FGF7: variants seen among roughly 807,000 people sequenced by gnomAD.
The protein encoded by FGF7 is fibroblast growth factor 7.
Under a neutral mutation model 20.5 loss-of-function variants are expected in FGF7, and 6 were observed. The observed-to-expected ratio is 0.29, with a 90% CI of 0.16 to 0.58. The LOEUF (loss-of-function observed/expected upper bound fraction) is 0.58. Among genes scored for constraint, FGF7 ranks in the 20% least tolerant of loss-of-function variants. FGF7 has a pLI of 0.90. For missense variants in FGF7, 144 were observed against 228.8 expected (o/e 0.63, Z 2.39); for synonymous variants, 64 against 74.7 (o/e 0.86, Z 0.74).
At chr15:49,431,117 G>A (rs1312128117) in intron 2 of FGF7, among the ~76,000 whole-genome samples, 2 of 151,724 alleles carry the variant, frequency 1.3e-5, no homozygotes, top group African/African-American at 2.4e-5. Context: ...ATAAAATTAT[G>A]TATACTTAAG....
At chr15:49,465,753 A>G (rs2054214415) in intron 2 of FGF7, among the ~76,000 whole-genome samples, 1 of 152,216 alleles carries the variant, frequency 6.6e-6, no homozygotes, top group Non-Finnish European at 1.5e-5. Flanking sequence ...TGAAAATTAG[A>G]AGGAAATTTA....
rs1478652620 is a variant in FGF7, at chr15:49,486,685, A to G, written c.*2181A>G. The G allele has an allele frequency of 3.9e-5, 6 of 152,008 alleles. No individual in the cohort carries two copies. The highest frequency in any genetic ancestry group is 7.4e-5 in the Non-Finnish European group (5 of 67,920). The allele number at this position is 152,008 out of a possible 1,614,324, so 9.4% of individuals were successfully genotyped here. ...TGGAGTTATACTTCCATCAAATTAC[A>G]TAGCAATGCTGAATTAGGCAAAACC... is the stretch of plus-strand genomic sequence containing the variant. On this transcript the variant is annotated 3_prime_UTR_variant, in exon 4 of 4. Coordinates refer to ENST00000267843, the MANE Select transcript of FGF7 (RefSeq NM_002009.4).
chr15:49,452,832 C>T (rs2052893273), intron 2 of FGF7, among the ~76,000 whole-genome samples: 1 of 152,118 alleles, frequency 6.6e-6, no homozygotes, highest in Non-Finnish European at 1.5e-5. Flanking sequence ...AAGCACTCAG[C>T]AAACGTTAGC....
chr15:49,473,572 A>C (rs981194147), intron 2 of FGF7, among the ~76,000 whole-genome samples: 1 of 152,128 alleles, frequency 6.6e-6, no homozygotes, highest in Non-Finnish European at 1.5e-5. Flanking sequence ...TGACAATCAT[A>C]TTGGAGTTGG....
In FGF7 at chr15:49,485,024, T is replaced by C. The variant is rs1416363665; in HGVS notation, c.*520T>C. ...TTTCTAGTGAAAAATTATAATCTAC[T>C]TAAACTCTAATCAGAAAAAAAATTC... On this transcript the variant is annotated 3_prime_UTR_variant, in exon 4 of 4. Transcript: ENST00000267843. The C allele has an allele frequency of 6.6e-6, 1 of 152,010 alleles. No individual in the cohort carries two copies. The highest frequency in any genetic ancestry group is 2.4e-5 in the African/African-American group (1 of 41,394). 9.4% of individuals were successfully genotyped at this position (152,010 alleles called of 1,614,324 possible).
Position 49,424,530 on chromosome 15 carries a change from G to A in FGF7, c.233G>A (p.Arg78Lys). The change falls in exon 2 of 4, where the codon AGG becomes AAG. Residue 78 changes from arginine to lysine, a missense_variant. Arg to Lys is a conservative substitution (Grantham distance 26). This residue lies in a region of FGF7 where 88 missense variants were observed against 103.4 expected (regional missense o/e 0.85). Transcript: ENST00000267843. Reference protein sequence around the residue: ...RLFCRTQWYLRIDKRGKVKGT... With the variant: ...RLFCRTQWYLKIDKRGKVKGT... ...TTCTGTCGAACACAGTGGTACCTGAGGATCGATAAAAGAGGCAAAGTAAAA... is the reference window on the plus strand; with the variant it reads ...TTCTGTCGAACACAGTGGTACCTGAAGATCGATAAAAGAGGCAAAGTAAAA... The A allele has an allele frequency of 6.2e-7, 1 of 1,607,768 alleles. No individual in the cohort carries two copies. The highest frequency in any genetic ancestry group is 1.1e-5 in the South Asian group (1 of 90,440).
Position 49,488,748 on chromosome 15 carries a change from A to C in FGF7, c.*4244A>C, listed in dbSNP as rs991041033. The C allele has an allele frequency of 3.3e-5, 5 of 152,040 alleles. No individual in the cohort carries two copies. The highest frequency in any genetic ancestry group is 1.2e-4 in the African/African-American group (5 of 41,416). The allele number at this position is 152,040 out of a possible 1,614,324, so 9.4% of individuals were successfully genotyped here. ...TGTTAGTTATCTATTGCTGTGTAAC[A>C]AATTAAAACTTAATGGCTTGAAACA... On this transcript the variant is annotated 3_prime_UTR_variant, in exon 4 of 4. Coordinates refer to ENST00000267843, the MANE Select transcript of FGF7 (RefSeq NM_002009.4).
intron 2 of FGF7, among the ~76,000 whole-genome samples, chr15:49,426,152 A>C (rs1428793830): frequency 1.3e-5 from 2 of 151,730 alleles, no homozygotes; most frequent in Non-Finnish European, 2.9e-5. Flanking sequence ...ATCTGGGGAC[A>C]ATTTCTTTGT....
intron 2 of FGF7, among the ~76,000 whole-genome samples, chr15:49,437,107 T>C (rs1472219174): frequency 6.6e-6 from 1 of 151,592 alleles, no homozygotes; most frequent in African/African-American, 2.4e-5. Context: ...TATACTTCTG[T>C]TCTTTAGGGT....
Position 49,487,539 on chromosome 15 carries a change from C to G in FGF7, c.*3035C>G, listed in dbSNP as rs1487216747. The G allele has an allele frequency of 2.8e-4, 43 of 151,814 alleles. No individual in the cohort carries two copies. Among genetic ancestry groups the G allele is most frequent in the Admixed American group, 2.8e-3 (43 of 15,218 alleles). 9.4% of individuals were successfully genotyped at this position (151,814 alleles called of 1,614,324 possible). ...AGGTAAATTCTTAGGGTTTCTATCT[C>G]ATAGAGTTTGCTCTTCTGGTTCTCT... is the stretch of plus-strand genomic sequence containing the variant. On this transcript the variant is annotated 3_prime_UTR_variant, in exon 4 of 4. Coordinates refer to ENST00000267843, the MANE Select transcript of FGF7 (RefSeq NM_002009.4).
intron 2 of FGF7, among the ~76,000 whole-genome samples, chr15:49,465,408 T>C (rs1050827419): frequency 1.3e-5 from 2 of 152,002 alleles, no homozygotes; most frequent in Non-Finnish European, 2.9e-5. Context: ...AGTGCTGGGA[T>C]TACAGGCGTG....
chr15:49,439,297 A>G (rs2051403498), intron 2 of FGF7, among the ~76,000 whole-genome samples: 1 of 151,444 alleles, frequency 6.6e-6, no homozygotes, highest in Admixed American at 6.6e-5. Flanking sequence ...AGAGAGAGGG[A>G]GGGAGAAAGA....
chr15:49,427,232 T>C (rs1321695873), intron 2 of FGF7, among the ~76,000 whole-genome samples: 8 of 152,026 alleles, frequency 5.3e-5, no homozygotes, highest in Non-Finnish European at 1.0e-4. Context: ...TCAGAATTTG[T>C]TTAAAATAAC....
intron 2 of FGF7, among the ~76,000 whole-genome samples, chr15:49,469,808 G>T (rs186731121): frequency 2.0e-4 from 30 of 152,164 alleles, no homozygotes; most frequent in Non-Finnish European, 3.7e-4. Context: ...GAAGCTACTG[G>T]CTGAAACATA....
chr15:49,455,497 C>T (rs776782526), intron 2 of FGF7, among the ~76,000 whole-genome samples: 8 of 152,086 alleles, frequency 5.3e-5, no homozygotes, highest in Non-Finnish European at 7.4e-5. Context: ...TGATACCATA[C>T]GGGTGCTCAA....
At position 49,424,425 on chromosome 15, in the gene FGF7, A is replaced by C; in HGVS notation, c.128A>C (p.Asn43Thr). The change falls in exon 2 of 4, where the codon AAT becomes ACT. Residue 43 changes from asparagine (N) to threonine (T), a missense_variant. This residue lies in a region of FGF7 where 88 missense variants were observed against 103.4 expected (regional missense o/e 0.85). Transcript: ENST00000267843. ...ATGACTCCAGAGCAAATGGCTACAA[A>C]TGTGAACTGTTCCAGCCCTGAGCGA... ...NDMTPEQMATNVNCSSPERHT... is the reference protein window; with the variant it reads ...NDMTPEQMATTVNCSSPERHT... 1 of 1,613,712 alleles carries C rather than the reference A, an allele frequency of 6.2e-7. No individual in the cohort carries two copies. Among genetic ancestry groups the C allele is most frequent in the Non-Finnish European group, 8.5e-7 (1 of 1,179,714 alleles).
intron 2 of FGF7, among the ~76,000 whole-genome samples, chr15:49,459,446 T>C (rs2053596224): frequency 6.6e-6 from 1 of 152,038 alleles, no homozygotes; most frequent in Non-Finnish European, 1.5e-5. Context: ...TGCTGTTTTC[T>C]TTCTTTTCTT....
intron 2 of FGF7, among the ~76,000 whole-genome samples, chr15:49,433,263 ATTCT>A (rs907695156): frequency 6.6e-6 from 1 of 151,424 alleles, no homozygotes; most frequent in Non-Finnish European, 1.5e-5. Flanking sequence ...TTGTCTTATG[ATTCT>A]TTCTGTTTGC....
chr15:49,433,845 A>G (rs1040513969), intron 2 of FGF7, among the ~76,000 whole-genome samples: 1 of 151,780 alleles, frequency 6.6e-6, no homozygotes, highest in African/African-American at 2.4e-5. Flanking sequence ...AGAAAAAAAC[A>G]GTAATTCATA....
Sources: allele counts gnomAD v4.1 joint callset (sites outside exome capture counted in the v4.1 genomes callset), GRCh38; gene constraint gnomAD v4.1.1; regional missense constraint gnomAD v4.1.1; transcripts MANE v1.5; gene names NCBI Gene and HGNC (gene_info 2026-07-23, HGNC 2026-07-21).